MAPRE2: variants seen among roughly 807,000 people sequenced by gnomAD.
MAPRE2 encodes the protein microtubule-associated protein RP/EB family member 2.
In MAPRE2, 13 loss-of-function variants were observed where a neutral mutation model predicts 43.2. That is an observed-to-expected ratio of 0.30 (90% CI 0.20 to 0.48). MAPRE2 has a LOEUF of 0.48. Ranked by LOEUF, MAPRE2 falls within the 20% of genes least tolerant of loss-of-function variation. The probability of loss-of-function intolerance (pLI) is 0.99; values close to 1 mark genes in which losing one functional copy is unlikely to be tolerated. For synonymous variants in MAPRE2, 135 were observed against 148.8 expected (o/e 0.91, Z 0.68); for missense variants, 161 against 400.2 (o/e 0.40, Z 5.10).
At chr18:35,134,206 A>G (rs1910288609) in intron 6 of MAPRE2, among the ~76,000 whole-genome samples, 1 of 152,222 alleles carries the variant, frequency 6.6e-6, no homozygotes, top group African/African-American at 2.4e-5. Flanking sequence ...AAGGCAGCAG[A>G]GAGGTTGAAT....
rs146981153 is a variant in MAPRE2, at chr18:34,979,887, T to G, written c.-70+2808T>G. Among the ~76,000 whole-genome samples the G allele has an allele frequency of 2.0e-5, 3 of 152,268 alleles. No individual in the cohort carries two copies. The East Asian group carries it at 5.8e-4, about 29-fold the overall frequency. On this transcript the variant is annotated intron_variant, in intron 1 of 7. Transcript: ENST00000413393. The stretch of plus-strand genomic sequence containing the variant: ...TCTTTAACAGGTTATCTTAGAGTCA[T>G]CAAAAAACAAACTTTCTTTTTCTTC...
chr18:35,011,512 C>T (rs1219410945), intron 2 of MAPRE2, among the ~76,000 whole-genome samples: 1 of 152,130 alleles, frequency 6.6e-6, no homozygotes, highest in Non-Finnish European at 1.5e-5. Flanking sequence ...TAAAGAAGAA[C>T]TCTTGGTTGT....
chr18:35,107,775 A>G (rs1908976865), intron 4 of MAPRE2, among the ~76,000 whole-genome samples: 1 of 152,074 alleles, frequency 6.6e-6, no homozygotes, highest in Non-Finnish European at 1.5e-5. Context: ...TACTTACCTA[A>G]TACCAGTGTC....
chr18:35,026,436 G>A (rs1198942814), intron 2 of MAPRE2, among the ~76,000 whole-genome samples: 2 of 152,108 alleles, frequency 1.3e-5, no homozygotes, highest in East Asian at 1.9e-4. Flanking sequence ...AGAATGCAGC[G>A]ATGAATATGG....
intron 2 of MAPRE2, among the ~76,000 whole-genome samples, chr18:35,019,706 G>A (rs2097040762): frequency 1.3e-5 from 2 of 151,940 alleles, no homozygotes; most frequent in Non-Finnish European, 2.9e-5. Context: ...TTTGCCATAT[G>A]GAGTCTGTTT....
chr18:35,076,868 T>G (rs938131321), intron 2 of MAPRE2, among the ~76,000 whole-genome samples: 45 of 152,206 alleles, frequency 3.0e-4, no homozygotes, highest in Non-Finnish European at 5.1e-4. Context: ...TGATAACTGC[T>G]TGGGTCTCTA....
rs113156296 is a variant in MAPRE2 at position 35,058,018 on chromosome 18, G to A, written c.123-12177G>A. ...TATAATTTGCAGTTTCTTCTTTGGG[G>A]CTGGAGCATGGGTTTGATGTAGAGG... On this transcript the variant is annotated intron_variant, in intron 1 of 6. Transcript: ENST00000300249. Among the ~76,000 whole-genome samples the A allele has an allele frequency of 6.2e-4, 95 of 152,294 alleles. 2 individuals carry two copies. Among genetic ancestry groups the A allele is most frequent in the African/African-American group, 1.8e-3 (74 of 41,562 alleles).
chr18:35,060,972 G>C (rs1906495132), intron 1 of MAPRE2, among the ~76,000 whole-genome samples: 1 of 152,144 alleles, frequency 6.6e-6, no homozygotes, highest in African/African-American at 2.4e-5. Flanking sequence ...GCAAGAAAGA[G>C]CTTAATCTCC....
chr18:35,116,912 C>T (rs548357087), intron 4 of MAPRE2, among the ~76,000 whole-genome samples: 3 of 152,110 alleles, frequency 2.0e-5, no homozygotes, highest in Non-Finnish European at 4.4e-5. Flanking sequence ...TTTGTCACAC[C>T]GAGGTTACAC....
At chr18:34,996,715 A>G (rs145261850) in intron 1 of MAPRE2, among the ~76,000 whole-genome samples, 20 of 152,394 alleles carry the variant, frequency 1.3e-4, no homozygotes, top group Non-Finnish European at 2.5e-4. Context: ...GTAGCTACTC[A>G]TAAGTGGCTA....
At chr18:34,998,772 A>ATTTTTTTTTTTTTTTTTTTTT (rs67933808) in intron 1 of MAPRE2, among the ~76,000 whole-genome samples, 3 of 93,730 alleles carry the variant, frequency 3.2e-5, no homozygotes, top group African/African-American at 1.5e-4. Context: ...CGAAGTTGCA[A>ATTTTTTTTTTTTTTTTTTTTT]TTTTTTTTTT....
chr18:35,095,223 A>G (rs1908345595), intron 2 of MAPRE2, among the ~76,000 whole-genome samples: 1 of 152,200 alleles, frequency 6.6e-6, no homozygotes, highest in Non-Finnish European at 1.5e-5. Context: ...TATAAAAATA[A>G]GAAAGCCATT....
At chr18:35,131,950 G>A in intron 5 of MAPRE2, 82 bp from the exon 6 acceptor site, 12 of 1,320,520 alleles carry the variant, frequency 9.1e-6, no homozygotes, top group Non-Finnish European at 1.2e-5. Flanking sequence ...TCTCTCTTTT[G>A]GGTTTTATTC....
intron 1 of MAPRE2, among the ~76,000 whole-genome samples, chr18:35,051,617 T>C (rs1905940584): frequency 1.3e-5 from 2 of 152,306 alleles, no homozygotes; most frequent in Middle Eastern, 3.4e-3. Context: ...GGAGGACCAG[T>C]TGGGGTCCTC....
intron 1 of MAPRE2, among the ~76,000 whole-genome samples, chr18:35,060,501 G>C (rs1403087282): frequency 6.6e-6 from 1 of 152,144 alleles, no homozygotes; most frequent in East Asian, 1.9e-4. Flanking sequence ...GGCAGGGAAG[G>C]GTTAGCCTTT....
chr18:35,062,380 CATA>C (rs1310539494), intron 1 of MAPRE2, among the ~76,000 whole-genome samples: 1 of 152,310 alleles, frequency 6.6e-6, no homozygotes, highest in Non-Finnish European at 1.5e-5. Context: ...TTTAAATTCT[CATA>C]ATATTTGCAG....
chr18:35,023,751 A>G (rs2097043384), intron 2 of MAPRE2, among the ~76,000 whole-genome samples: 1 of 151,970 alleles, frequency 6.6e-6, no homozygotes, highest in African/African-American at 2.4e-5. Flanking sequence ...TATGAAGCAA[A>G]GATGAATAAT....
chr18:35,004,572 C>G (rs1258580842), intron 1 of MAPRE2, among the ~76,000 whole-genome samples: 15 of 152,234 alleles, frequency 9.9e-5, no homozygotes, highest in Admixed American at 9.8e-4. Flanking sequence ...TACTGTCTTA[C>G]TGCCTCATTT....
chr18:35,037,906 G>T (rs910076683), upstream of MAPRE2, among the ~76,000 whole-genome samples: 7 of 152,196 alleles, frequency 4.6e-5, no homozygotes, highest in Admixed American at 1.3e-4. Flanking sequence ...GAGCACAACA[G>T]GGTTGGGAGA....
Sources: allele counts gnomAD v4.1 joint callset (sites outside exome capture counted in the v4.1 genomes callset), GRCh38; gene constraint gnomAD v4.1.1; transcripts MANE v1.5; gene names NCBI Gene and HGNC (gene_info 2026-07-23, HGNC 2026-07-21).